Variants in TOP2B observed in about 807,000 individuals in gnomAD.
The protein encoded by TOP2B is DNA topoisomerase 2-beta.
In TOP2B, 51 loss-of-function variants were observed where a neutral mutation model predicts 193.5. That is an observed-to-expected ratio of 0.26 (90% CI 0.21 to 0.33). The LOEUF (loss-of-function observed/expected upper bound fraction) is 0.33. Among genes scored for constraint, TOP2B ranks in the 10% least tolerant of loss-of-function variants. The pLI, the probability that TOP2B is intolerant of heterozygous loss-of-function variation, is 1.00. For synonymous variants in TOP2B, 634 were observed against 635.7 expected, an observed-to-expected ratio of 1.00 and a Z score of 0.04; for missense variants, 1,378 against 1,909.3, an observed-to-expected ratio of 0.72 and a Z score of 5.19.
rs554843707 is a variant in TOP2B at position 25,654,775 on chromosome 3, G to T, written c.70-9305C>A. On this transcript the variant is annotated intron_variant, in intron 1 of 35. Transcript: ENST00000264331. ...ACAGAAATAAACCCTTACATAAAAG[G>T]CCAAATGATTTTTCACAAGAATGCC... Among the ~76,000 whole-genome samples, 3 of 152,190 alleles carry T rather than the reference G, an allele frequency of 2.0e-5. No homozygotes were observed. In the South Asian group the frequency reaches 6.2e-4, roughly 32 times the overall value.
intron 7 of TOP2B, among the ~76,000 whole-genome samples, chr3:25,635,288 G>A (rs1040234680): frequency 9.2e-5 from 14 of 152,150 alleles, no homozygotes; most frequent in African/African-American, 3.1e-4. Flanking sequence ...TATTTACCTC[G>A]ATATCTACAA....
intron 7 of TOP2B, 26 bp from the exon 8 acceptor site, chr3:25,634,040 T>C: frequency 6.4e-7 from 1 of 1,556,086 alleles, no homozygotes; most frequent in South Asian, 1.2e-5. Flanking sequence ...ACAAAAACAA[T>C]TAAAAATCTT....
intron 1 of TOP2B, among the ~76,000 whole-genome samples, chr3:25,649,744 G>A (rs924045105): frequency 6.6e-6 from 1 of 151,930 alleles, no homozygotes; most frequent in African/African-American, 2.4e-5. Context: ...TGCCCAACAA[G>A]AAATGATAAA....
chr3:25,627,096 G>C (rs1702820958), intron 16 of TOP2B, 91 bp downstream of exon 16: 1 of 930,188 alleles, frequency 1.1e-6, no homozygotes. Flanking sequence ...GCATTCAAAA[G>C]AGACTTATCA....
intron 27 of TOP2B, among the ~76,000 whole-genome samples, chr3:25,614,799 CTA>C (rs1189331744): frequency 1.3e-5 from 2 of 151,848 alleles, no homozygotes; most frequent in African/African-American, 2.4e-5. Context: ...TTGGAAAAAA[CTA>C]TGTTATAACA....
chr3:25,632,919 T>A (rs1347413985), intron 8 of TOP2B, 125 bp from the exon 9 acceptor site: 53 of 795,530 alleles, frequency 6.7e-5, no homozygotes, highest in South Asian at 4.6e-4. Flanking sequence ...GTTGAGATTT[T>A]AAAAAAATAA....
intron 1 of TOP2B, among the ~76,000 whole-genome samples, chr3:25,653,085 T>A (rs1036483985): frequency 1.3e-5 from 2 of 152,010 alleles, no homozygotes; most frequent in Non-Finnish European, 2.9e-5. Context: ...CAAGACTGAA[T>A]CATGAATAAA....
At chr3:25,663,706 T>C (rs755138024) in intron 1 of TOP2B, among the ~76,000 whole-genome samples, 56 of 152,248 alleles carry the variant, frequency 3.7e-4, no homozygotes, top group Non-Finnish European at 6.5e-4. Context: ...ATTGAGCGCA[T>C]TGAATGAGGC....
At chr3:25,661,494 A>C (rs1420867172) in intron 1 of TOP2B, among the ~76,000 whole-genome samples, 1 of 152,224 alleles carries the variant, frequency 6.6e-6, no homozygotes, top group Non-Finnish European at 1.5e-5. Flanking sequence ...ACAATCACTT[A>C]TGATACAAGA....
intron 4 of TOP2B, among the ~76,000 whole-genome samples, chr3:25,640,792 C>G (rs1036926176): frequency 1.1e-4 from 14 of 128,960 alleles, no homozygotes; most frequent in Non-Finnish European, 2.0e-4. Flanking sequence ...GGGTCTCGCT[C>G]TGTCGCCCAG....
intron 1 of TOP2B, among the ~76,000 whole-genome samples, chr3:25,658,172 T>C (rs559917171): frequency 5.9e-4 from 90 of 151,534 alleles, no homozygotes; most frequent in Non-Finnish European, 9.4e-4. Context: ...GAGCTTGCAG[T>C]GAGTCGAGAC....
chr3:25,640,217 C>A (rs1703218012), intron 4 of TOP2B, among the ~76,000 whole-genome samples: 1 of 152,036 alleles, frequency 6.6e-6, no homozygotes, highest in Non-Finnish European at 1.5e-5. Flanking sequence ...TCACAAGAGA[C>A]AAAATGTTAT....
intron 1 of TOP2B, among the ~76,000 whole-genome samples, chr3:25,656,972 C>A (rs1024024462): frequency 1.3e-5 from 2 of 152,236 alleles, no homozygotes; most frequent in East Asian, 3.8e-4. Flanking sequence ...CCCCAACTTT[C>A]TCACTAGAGG....
chr3:25,653,309 A>T (rs909819569), intron 1 of TOP2B, among the ~76,000 whole-genome samples: 1 of 152,186 alleles, frequency 6.6e-6, no homozygotes, highest in African/African-American at 2.4e-5. Context: ...AAAAACTAGA[A>T]GACAGAACAA....
At position 25,664,345 on chromosome 3, in the gene TOP2B, C is replaced by G; in HGVS notation, c.-48G>C. ...GCCCTGAGGCCGCAGCCGCCGCTCC[C>G]GCCTCCCTGCGGGCCGCTGGGCCCC... is the stretch of plus-strand genomic sequence containing the variant. On this transcript the variant is annotated 5_prime_UTR_variant, in exon 1 of 36. Coordinates refer to ENST00000264331, the MANE Select transcript of TOP2B (RefSeq NM_001330700.2). 1.4e-6 allele frequency: 2 copies of G among 1,420,484 alleles called. No individual in the cohort carries two copies. Among genetic ancestry groups the G allele is most frequent in the Non-Finnish European group, 1.8e-6 (2 of 1,097,300 alleles). The allele number at this position is 1,420,484 out of a possible 1,614,324, so 88.0% of individuals were successfully genotyped here.
intron 10 of TOP2B, among the ~76,000 whole-genome samples, chr3:25,631,190 C>T (rs1221237551): frequency 2.6e-5 from 4 of 151,970 alleles, no homozygotes; most frequent in Non-Finnish European, 4.4e-5. Flanking sequence ...ATAATAAACT[C>T]CATGAGGAAT....
At chr3:25,601,667 G>A (rs115483943) in intron 33 of TOP2B, among the ~76,000 whole-genome samples, 619 of 152,048 alleles carry the variant, frequency 4.1e-3, no homozygotes, top group Admixed American at 7.0e-3. Flanking sequence ...TCTGCTTGGC[G>A]GCAATGTAAA....
At chr3:25,647,843 G>C (rs759837300) in intron 1 of TOP2B, among the ~76,000 whole-genome samples, 13 of 152,192 alleles carry the variant, frequency 8.5e-5, no homozygotes, top group Admixed American at 3.3e-4. Flanking sequence ...TAACATTTGA[G>C]TGTGGTCAGC....
Position 25,630,103 on chromosome 3 carries a change from A to G in TOP2B, c.1615T>C (p.Tyr539His). The G allele has an allele frequency of 6.3e-7, 1 of 1,599,334 alleles. No individual in the cohort carries two copies. Among genetic ancestry groups the G allele is most frequent in the Non-Finnish European group, 8.5e-7 (1 of 1,171,686 alleles). Reference sequence around the variant, plus strand: ...TCTGCATCATCGTAACTTTTCTTATATTGTAGACCAACTATTTTAATAATA... The same window carrying G: ...TCTGCATCATCGTAACTTTTCTTATGTTGTAGACCAACTATTTTAATAATA... ...NNIIKIVGLQ[Y>H]KKSYDDAESL... is the part of the protein sequence containing the mutation. Residue 539 changes from tyrosine (Y) to histidine (H), a missense_variant, in exon 13 of 36, where the codon TAT becomes CAT. Physicochemically the swap from Tyr to His is moderately conservative, Grantham distance 83. This residue lies in a region of TOP2B where 66 missense variants were observed against 153.3 expected (regional missense o/e 0.43). Transcript: ENST00000264331.
Sources: allele counts gnomAD v4.1 joint callset (sites outside exome capture counted in the v4.1 genomes callset), GRCh38; gene constraint gnomAD v4.1.1; regional missense constraint gnomAD v4.1.1; transcripts MANE v1.5; gene names NCBI Gene and HGNC (gene_info 2026-07-23, HGNC 2026-07-21).